The following DLGAP2 variants were observed in gnomAD, a reference collection of about 807,000 sequenced individuals.
DLGAP2 encodes the protein DLG associated protein 2, also known as disks large-associated protein 2.
Under a neutral mutation model 100.3 loss-of-function variants are expected in DLGAP2, and 26 were observed. The observed-to-expected ratio is 0.26, with a 90% CI of 0.19 to 0.36. The LOEUF is 0.36. DLGAP2 is among the 10% of genes least tolerant of loss of function. The pLI is 1.00. For missense variants in DLGAP2, 1,858 were observed against 1,453.2 expected, an observed-to-expected ratio of 1.28 and a Z score of -4.53; for synonymous variants, 886 against 630.1, an observed-to-expected ratio of 1.41 and a Z score of -6.08.
chr8:1,459,554 A>G (rs988371088), intron 3 of DLGAP2, among the ~76,000 whole-genome samples: 6 of 152,204 alleles, frequency 3.9e-5, no homozygotes, highest in African/African-American at 1.4e-4. Context: ...ATTAACTGCA[A>G]TACCAAGCAT....
intron 3 of DLGAP2, among the ~76,000 whole-genome samples, chr8:1,281,991 G>A (rs1434454046): frequency 4.7e-5 from 6 of 128,758 alleles, no homozygotes; most frequent in South Asian, 5.1e-4. Context: ...AACCCAGCGC[G>A]CCCTGAACCA....
chr8:1,340,057 G>T (rs1299985602), intron 3 of DLGAP2, among the ~76,000 whole-genome samples: 1 of 152,110 alleles, frequency 6.6e-6, no homozygotes, highest in Non-Finnish European at 1.5e-5. Flanking sequence ...GCAGAAACTG[G>T]ACCCCTTTCT....
At chr8:1,458,340 C>G (rs905260685) in intron 3 of DLGAP2, among the ~76,000 whole-genome samples, 4 of 152,116 alleles carry the variant, frequency 2.6e-5, no homozygotes, top group African/African-American at 9.7e-5. Context: ...ACCTTCCCCA[C>G]AGTAAGGATA....
chr8:1,640,734 G>A lies in DLGAP2; in HGVS notation c.1810+7688G>A, dbSNP rs117645238. ...GAGCACAGCACCAAGACCGTCAAAC[G>A]CTAAAAACAGGCACAGGTGGAAGTC... On this transcript the variant is annotated intron_variant, in intron 8 of 14. Transcript: ENST00000637795. Among the ~76,000 whole-genome samples, 466 of 152,262 alleles carry A rather than the reference G, an allele frequency of 3.1e-3. 2 individuals are homozygous for A. Among genetic ancestry groups the A allele is most frequent in the Non-Finnish European group, 5.3e-3 (362 of 68,036 alleles).
At chr8:1,381,618 G>T (rs1253298199) in intron 3 of DLGAP2, among the ~76,000 whole-genome samples, 2 of 152,150 alleles carry the variant, frequency 1.3e-5, no homozygotes, top group African/African-American at 4.8e-5. Flanking sequence ...CTTCTACTCT[G>T]TGCTTCTGGG....
At chr8:1,606,265 T>C (rs893225130) in intron 6 of DLGAP2, among the ~76,000 whole-genome samples, 2 of 151,986 alleles carry the variant, frequency 1.3e-5, no homozygotes, top group Non-Finnish European at 2.9e-5. Context: ...TATTGAGTTA[T>C]GATTTAAGAA....
intron 2 of DLGAP2, among the ~76,000 whole-genome samples, chr8:1,200,188 A>C (rs111393270): frequency 6.6e-6 from 1 of 152,106 alleles, no homozygotes; most frequent in Non-Finnish European, 1.5e-5. Context: ...TCTCCTCCCC[A>C]CCGTGCAGCA....
intron 3 of DLGAP2, among the ~76,000 whole-genome samples, chr8:1,416,783 A>T (rs1317547091): frequency 2.6e-5 from 4 of 152,172 alleles, no homozygotes; most frequent in African/African-American, 4.8e-5. Flanking sequence ...CTGGGGGCGG[A>T]ATGTGGCTCG....
intron 1 of DLGAP2, among the ~76,000 whole-genome samples, chr8:791,496 G>C (rs1822025224): frequency 6.6e-6 from 1 of 152,094 alleles, no homozygotes; most frequent in South Asian, 2.1e-4. Flanking sequence ...CTTGTAACTG[G>C]ATCTAATAAG....
At chr8:1,059,810 C>A (rs1056988300) in intron 2 of DLGAP2, among the ~76,000 whole-genome samples, 2 of 152,174 alleles carry the variant, frequency 1.3e-5, no homozygotes, top group African/African-American at 4.8e-5. Context: ...CAGAGACACG[C>A]CTCTTGGGAA....
chr8:769,414 G>T (rs1563421796), intron 1 of DLGAP2, among the ~76,000 whole-genome samples: 1 of 151,940 alleles, frequency 6.6e-6, no homozygotes, highest in Non-Finnish European at 1.5e-5. Flanking sequence ...CGGCAGACAG[G>T]AAGCATAGCC....
intron 3 of DLGAP2, among the ~76,000 whole-genome samples, chr8:1,363,303 C>A (rs908207843): frequency 6.6e-6 from 1 of 152,148 alleles, no homozygotes; most frequent in African/African-American, 2.4e-5. Flanking sequence ...CCTGCCTCTG[C>A]CTTGCAGGTC....
intron 1 of DLGAP2, among the ~76,000 whole-genome samples, chr8:899,911 G>T: frequency 6.6e-6 from 1 of 152,310 alleles, no homozygotes; most frequent in Non-Finnish European, 1.5e-5. Flanking sequence ...GGGACGCCCC[G>T]TGGGACATGC....
At chr8:770,985 C>T (rs1821341445) in intron 1 of DLGAP2, among the ~76,000 whole-genome samples, 1 of 151,680 alleles carries the variant, frequency 6.6e-6, no homozygotes, top group Non-Finnish European at 1.5e-5. Context: ...TAAAATATTA[C>T]TGCTAGATGT....
chr8:1,159,603 G>A (rs1796852553), intron 2 of DLGAP2, among the ~76,000 whole-genome samples: 1 of 152,228 alleles, frequency 6.6e-6, no homozygotes, highest in South Asian at 2.1e-4. Flanking sequence ...ATCTAGATTT[G>A]TACAACAGAG....
intron 8 of DLGAP2, among the ~76,000 whole-genome samples, chr8:1,649,001 G>A (rs991534522): frequency 2.1e-4 from 32 of 152,130 alleles, no homozygotes; most frequent in Non-Finnish European, 4.6e-4. Context: ...GGTCATCCTT[G>A]GATGGCGTCT....
intron 3 of DLGAP2, among the ~76,000 whole-genome samples, chr8:1,373,380 C>G (rs939037003): frequency 6.6e-6 from 1 of 152,056 alleles, no homozygotes; most frequent in African/African-American, 2.4e-5. Context: ...CAGCGCCAGA[C>G]GCAGAGCCCT....
At chr8:1,002,197 C>G (rs1342317011) in intron 2 of DLGAP2, 2 of 152,170 alleles carry the variant, frequency 1.3e-5, no homozygotes, top group African/African-American at 2.4e-5. Flanking sequence ...CTTCCTGGTG[C>G]TCACACCCGA....
intron 2 of DLGAP2, among the ~76,000 whole-genome samples, chr8:990,248 G>T (rs997643563): frequency 6.6e-6 from 1 of 151,910 alleles, no homozygotes; most frequent in African/African-American, 2.4e-5. Flanking sequence ...TTGCCATGTG[G>T]GTGCCCAAGT....
Sources: allele counts gnomAD v4.1 joint callset (sites outside exome capture counted in the v4.1 genomes callset), GRCh38; gene constraint gnomAD v4.1.1; transcripts MANE v1.5; gene names NCBI Gene and HGNC (gene_info 2026-07-23, HGNC 2026-07-21).